Variants in SLIT1 observed in about 807,000 individuals in gnomAD.
The protein encoded by SLIT1 is slit homolog 1 protein.
A neutral mutation model predicts 186.1 loss-of-function variants in SLIT1; 66 were observed. That is an observed-to-expected ratio of 0.35 (90% CI 0.29 to 0.44). The LOEUF (loss-of-function observed/expected upper bound fraction) is 0.44. SLIT1 is among the 20% of genes least tolerant of loss of function. SLIT1 has a pLI of 1.00. For missense variants in SLIT1, 1,638 were observed against 2,037.4 expected (o/e 0.80, Z 3.77); for synonymous variants, 761 against 833.8 (o/e 0.91, Z 1.50).
intron 4 of SLIT1, among the ~76,000 whole-genome samples, chr10:97,066,363 AAGG>A (rs1461392171): frequency 3.3e-5 from 5 of 152,194 alleles, no homozygotes; most frequent in African/African-American, 9.6e-5. Flanking sequence ...TTGCAGCTGG[AAGG>A]AGAAGCCTGG....
intron 4 of SLIT1, among the ~76,000 whole-genome samples, chr10:97,079,293 G>A (rs1294724911): frequency 6.6e-6 from 1 of 152,154 alleles, no homozygotes; most frequent in African/African-American, 2.4e-5. Flanking sequence ...ATTTGTGGCT[G>A]GAAGGAGGTA....
intron 25 of SLIT1, among the ~76,000 whole-genome samples, chr10:97,028,420 T>C (rs1303043387): frequency 2.0e-5 from 3 of 151,892 alleles, no homozygotes; most frequent in Admixed American, 6.6e-5. Flanking sequence ...AGAATTCCAA[T>C]GTCCCTTTCC....
intron 28 of SLIT1, among the ~76,000 whole-genome samples, chr10:97,017,193 G>T (rs1384416713): frequency 6.6e-6 from 1 of 152,248 alleles, no homozygotes; most frequent in Admixed American, 6.5e-5. Context: ...TCAGGAATGA[G>T]GAGGGCGCGC....
chr10:97,100,619 C>A (rs566194244), intron 4 of SLIT1, among the ~76,000 whole-genome samples: 2 of 135,294 alleles, frequency 1.5e-5, no homozygotes, highest in African/African-American at 5.2e-5. Flanking sequence ...TGGGCAACAG[C>A]GAGACTCTGT....
At position 97,010,326 on chromosome 10, in the gene SLIT1, G is replaced by A. The variant is rs542328861; in HGVS notation, c.3341+667C>T. ...AGTCACAAAGGACAACAGACTGTAC[G>A]ATTCGACTTATAGGAAATCCCCAGA... On this transcript the variant is annotated intron_variant, in intron 31 of 36. Coordinates refer to ENST00000266058, the MANE Select transcript of SLIT1 (RefSeq NM_003061.3). The surrounding 1 kb of genome is among the most constrained non-coding windows in gnomAD (Gnocchi z 4.8). 3.9e-5 allele frequency among the ~76,000 whole-genome samples: 6 copies of A among 152,328 alleles called. No individual in the cohort carries two copies. The highest frequency in any genetic ancestry group is 3.4e-3 in the Middle Eastern group (1 of 294).
chr10:97,070,800 A>G (rs1349532221), intron 4 of SLIT1, among the ~76,000 whole-genome samples: 1 of 152,172 alleles, frequency 6.6e-6, no homozygotes, highest in Admixed American at 6.5e-5. Context: ...TGCTGTTTAT[A>G]AGCCACTTGG....
intron 23 of SLIT1, among the ~76,000 whole-genome samples, chr10:97,034,156 C>A (rs890989754): frequency 6.6e-6 from 1 of 152,204 alleles, no homozygotes; most frequent in South Asian, 2.1e-4. Context: ...TGAGCCACTG[C>A]GCCTGGCCGA....
In SLIT1 at chr10:97,013,996, C is replaced by T. The variant is rs766241316; in HGVS notation, c.3109+23G>A. The T allele has an allele frequency of 4.5e-5, 72 of 1,610,816 alleles. No homozygotes were observed. In the East Asian group the frequency reaches 1.1e-3, roughly 24 times the overall value. On this transcript the variant is annotated intron_variant, in intron 29 of 36. Coordinates refer to ENST00000266058, the MANE Select transcript of SLIT1 (RefSeq NM_003061.3). ...GTCTCTGTTCCCCACCTCCCCCAGA[C>T]ACTGCTGCCCTGACGCACTTACCCT...
chr10:97,084,563 TCTTTTCTTTC>T (rs1456014903), intron 4 of SLIT1, among the ~76,000 whole-genome samples: 4 of 150,650 alleles, frequency 2.7e-5, no homozygotes, highest in Non-Finnish European at 4.4e-5. Flanking sequence ...CTATTTCTTT[TCTTTTCTTTC>T]CTTTTCTTTT....
intron 4 of SLIT1, among the ~76,000 whole-genome samples, chr10:97,140,987 C>A (rs564922493): frequency 6.6e-6 from 1 of 152,252 alleles, no homozygotes; most frequent in Admixed American, 6.5e-5. Flanking sequence ...CTGCCAGTTG[C>A]GTGTGTCTGT....
At chr10:97,125,369 G>A (rs1028074480) in intron 4 of SLIT1, among the ~76,000 whole-genome samples, 4 of 151,880 alleles carry the variant, frequency 2.6e-5, no homozygotes, top group Non-Finnish European at 5.9e-5. Flanking sequence ...AATCCTGTCT[G>A]TACAAAAAAT....
chr10:97,032,571 A>C (rs1260621842), intron 23 of SLIT1, among the ~76,000 whole-genome samples: 2 of 107,968 alleles, frequency 1.9e-5, no homozygotes, highest in African/African-American at 6.1e-5. Flanking sequence ...TCCCCATCTC[A>C]AAAAAAAAAA....
chr10:97,002,447 C>A, intron 35 of SLIT1, 78 bp from the exon 36 acceptor site: 1 of 1,130,828 alleles, frequency 8.8e-7, no homozygotes, highest in Non-Finnish European at 1.2e-6. Context: ...CCACCTGACA[C>A]AGCCCACCCC....
chr10:97,164,795 TGGGA>T lies in SLIT1; in HGVS notation c.269+20_269+23del. On this transcript the variant is annotated intron_variant, in intron 2 of 36. Coordinates refer to ENST00000266058, the MANE Select transcript of SLIT1 (RefSeq NM_003061.3). ...TGCCGTGGCATTGCCAGGGGTGGGGTGGGAGGGAGCACCCCATACTCACAGCACC... is the reference window on the plus strand; with the variant it reads ...TGCCGTGGCATTGCCAGGGGTGGGGTGGGAGCACCCCATACTCACAGCACC... 6.5e-7 allele frequency: 1 copy of T among 1,549,632 alleles called. No homozygotes were observed. Among genetic ancestry groups the T allele is most frequent in the Non-Finnish European group, 8.9e-7 (1 of 1,126,458 alleles).
chr10:97,057,556 C>T (rs931882898), intron 11 of SLIT1, among the ~76,000 whole-genome samples: 9 of 152,268 alleles, frequency 5.9e-5, no homozygotes, highest in South Asian at 2.1e-4. Flanking sequence ...CGCCCTCACA[C>T]GTGGACCCCA....
intron 3 of SLIT1, among the ~76,000 whole-genome samples, chr10:97,159,875 C>T (rs1850003812): frequency 1.3e-5 from 2 of 152,192 alleles, no homozygotes; most frequent in African/African-American, 4.8e-5. Context: ...CACCACTGCA[C>T]CACGTGGCTT....
At chr10:97,028,254 C>T (rs1356862335) in intron 25 of SLIT1, among the ~76,000 whole-genome samples, 1 of 152,334 alleles carries the variant, frequency 6.6e-6, no homozygotes, top group African/African-American at 2.4e-5. Context: ...GGCACCACCT[C>T]CAGCAGGGCT....
chr10:97,004,062 C>A lies in SLIT1; in HGVS notation c.3865+6G>T, dbSNP rs1848336339. ...AAAAGAGGCCCCGCCAGGGCCAGGT[C>A]CTCACCTCCCACATAGAGTGGCGCC... On this transcript the variant is annotated splice_donor_region_variant and intron_variant, in intron 34 of 36. Transcript: ENST00000266058. The surrounding 1 kb of genome is among the most constrained non-coding windows in gnomAD (Gnocchi z 5.1). 6.2e-7 allele frequency: 1 copy of A among 1,601,446 alleles called. No individual in the cohort carries two copies. Among genetic ancestry groups the A allele is most frequent in the Non-Finnish European group, 8.5e-7 (1 of 1,169,874 alleles).
chr10:97,051,400 G>A (rs1448567672), intron 13 of SLIT1, among the ~76,000 whole-genome samples: 4 of 152,186 alleles, frequency 2.6e-5, no homozygotes, highest in Non-Finnish European at 5.9e-5. Flanking sequence ...AGAGAAATTT[G>A]GAGCCTTCAT....
Sources: allele counts gnomAD v4.1 joint callset (sites outside exome capture counted in the v4.1 genomes callset), GRCh38; gene constraint gnomAD v4.1.1; non-coding constraint Gnocchi (gnomAD v3.1); transcripts MANE v1.5; gene names NCBI Gene and HGNC (gene_info 2026-07-23, HGNC 2026-07-21).